MDGA2: variants seen among roughly 807,000 people sequenced by gnomAD.
The protein encoded by MDGA2 is MAM domain-containing glycosylphosphatidylinositol anchor protein 2.
A neutral mutation model predicts 117.8 loss-of-function variants in MDGA2; 40 were observed. The observed-to-expected ratio is 0.34, with a 90% CI of 0.26 to 0.44. The LOEUF (loss-of-function observed/expected upper bound fraction) is 0.44, where lower values mean the gene tolerates loss of function less well. MDGA2 is among the 20% of genes least tolerant of loss of function. The pLI is 1.00. For synonymous variants in MDGA2, 452 were observed against 439.0 expected, an observed-to-expected ratio of 1.03 and a Z score of -0.37; for missense variants, 1,123 against 1,250.6, an observed-to-expected ratio of 0.90 and a Z score of 1.54.
intron 3 of MDGA2, among the ~76,000 whole-genome samples, chr14:47,186,379 GAGT>G (rs564181504): frequency 1.2e-4 from 18 of 151,720 alleles, no homozygotes; most frequent in African/African-American, 4.1e-4. Context: ...CTTGAAAAAA[GAGT>G]AGAAGGGCTT....
In MDGA2 at chr14:47,179,759, T is replaced by C. The variant is rs181480773; in HGVS notation, c.596-35485A>G. On this transcript the variant is annotated intron_variant, in intron 3 of 16. Transcript: ENST00000399232. ...AATTATCAAATTGAAATATTTCAAA[T>C]TCAAATATTTCTTCTCACCAAAATA... is the stretch of plus-strand genomic sequence containing the variant. 3.3e-3 allele frequency among the ~76,000 whole-genome samples: 502 copies of C among 152,238 alleles called. 3 individuals carry two copies. Among genetic ancestry groups the C allele is most frequent in the African/African-American group, 0.011 (461 of 41,572 alleles).
At chr14:47,330,466 T>C (rs887578222) in intron 1 of MDGA2, among the ~76,000 whole-genome samples, 3 of 151,872 alleles carry the variant, frequency 2.0e-5, no homozygotes, top group Non-Finnish European at 4.4e-5. Context: ...AATGCACCAT[T>C]AGAGGAAATA....
chr14:46,974,730 G>A (rs973074599), intron 8 of MDGA2, among the ~76,000 whole-genome samples: 4 of 152,012 alleles, frequency 2.6e-5, no homozygotes, highest in African/African-American at 9.7e-5. Context: ...ATGGGTCAAA[G>A]GCCTAAATGT....
intron 1 of MDGA2, among the ~76,000 whole-genome samples, chr14:47,466,446 A>C (rs970935408): frequency 3.3e-5 from 5 of 152,174 alleles, no homozygotes; most frequent in Non-Finnish European, 7.3e-5. Context: ...GATAAAATAG[A>C]GATAAGCAGA....
At chr14:47,116,168 C>A (rs1881319162) in intron 5 of MDGA2, among the ~76,000 whole-genome samples, 1 of 151,846 alleles carries the variant, frequency 6.6e-6, no homozygotes, top group African/African-American at 2.4e-5. Context: ...TTTACAATAA[C>A]ACCAAAAAAA....
rs146180767 is a variant in MDGA2 at position 47,308,251 on chromosome 14, T to G, written c.281-6701A>C. On this transcript the variant is annotated intron_variant, in intron 1 of 16. Transcript: ENST00000399232. ...CAAATAGTAAAACCGCTATTTAGGCTTACTCATATGTAAAAAGGAGTGATA... is the reference window on the plus strand; with the variant it reads ...CAAATAGTAAAACCGCTATTTAGGCGTACTCATATGTAAAAAGGAGTGATA... Among the ~76,000 whole-genome samples the G allele has an allele frequency of 3.5e-3, 538 of 152,264 alleles. 3 individuals carry two copies. Among genetic ancestry groups the G allele is most frequent in the African/African-American group, 0.012 (506 of 41,566 alleles).
intron 10 of MDGA2, among the ~76,000 whole-genome samples, chr14:46,886,744 T>C (rs1251627174): frequency 1.3e-5 from 2 of 152,084 alleles, no homozygotes; most frequent in South Asian, 2.1e-4. Flanking sequence ...CTTAAAACTC[T>C]TTCCCCCTTG....
intron 2 of MDGA2, among the ~76,000 whole-genome samples, chr14:47,267,633 T>C (rs1183916775): frequency 6.6e-6 from 1 of 152,200 alleles, no homozygotes; most frequent in East Asian, 1.9e-4. Flanking sequence ...ATCTGTTTTA[T>C]AGGTTACTTC....
chr14:47,088,482 G>T (rs1890990926), intron 6 of MDGA2, among the ~76,000 whole-genome samples: 1 of 152,126 alleles, frequency 6.6e-6, no homozygotes, highest in Non-Finnish European at 1.5e-5. Context: ...AATAATGAAA[G>T]ATTATGTAAC....
intron 1 of MDGA2, among the ~76,000 whole-genome samples, chr14:47,352,877 T>C (rs1276108164): frequency 6.6e-6 from 1 of 152,206 alleles, no homozygotes; most frequent in Non-Finnish European, 1.5e-5. Context: ...ACCTCGGTTC[T>C]TTTCTTTTTG....
intron 3 of MDGA2, among the ~76,000 whole-genome samples, chr14:47,170,566 C>T (rs1884080921): frequency 6.6e-6 from 1 of 152,084 alleles, no homozygotes; most frequent in Non-Finnish European, 1.5e-5. Context: ...GTCTATTGAA[C>T]CTCAAAGCTC....
intron 8 of MDGA2, among the ~76,000 whole-genome samples, chr14:46,974,551 G>A (rs1177566702): frequency 6.6e-6 from 1 of 151,988 alleles, no homozygotes; most frequent in African/African-American, 2.4e-5. Flanking sequence ...CAAACAGAAT[G>A]GAGAACCCAG....
chr14:47,215,273 A>T (rs1341287170), intron 3 of MDGA2, among the ~76,000 whole-genome samples: 1 of 152,134 alleles, frequency 6.6e-6, no homozygotes, highest in African/African-American at 2.4e-5. Context: ...GTTTATATAA[A>T]TGAATATCTA....
At chr14:47,219,386 G>A (rs1379363633) in intron 2 of MDGA2, among the ~76,000 whole-genome samples, 1 of 151,904 alleles carries the variant, frequency 6.6e-6, no homozygotes, top group African/African-American at 2.4e-5. Context: ...TTAAAAATCT[G>A]TAAATCACAA....
At chr14:47,137,353 T>G (rs1405368055) in intron 4 of MDGA2, among the ~76,000 whole-genome samples, 1 of 152,150 alleles carries the variant, frequency 6.6e-6, no homozygotes, top group Non-Finnish European at 1.5e-5. Context: ...TGTTGAAATT[T>G]AATCCCAATG....
At chr14:47,214,000 A>G (rs1410773765) in intron 3 of MDGA2, among the ~76,000 whole-genome samples, 5 of 152,120 alleles carry the variant, frequency 3.3e-5, no homozygotes, top group African/African-American at 7.2e-5. Context: ...CACAAGGAAA[A>G]GTACCGAGCG....
chr14:47,430,794 C>A (rs1892783049), intron 1 of MDGA2, among the ~76,000 whole-genome samples: 1 of 152,018 alleles, frequency 6.6e-6, no homozygotes, highest in South Asian at 2.1e-4. Context: ...CACAAAATGA[C>A]CAAGTATAAG....
chr14:47,228,390 T>C (rs1886579289), intron 2 of MDGA2, among the ~76,000 whole-genome samples: 1 of 149,164 alleles, frequency 6.7e-6, no homozygotes, highest in South Asian at 2.1e-4. Context: ...GATTTTTGAC[T>C]TTATGATGGT....
At chr14:47,243,108 A>C (rs1215917494) in intron 2 of MDGA2, among the ~76,000 whole-genome samples, 1 of 148,682 alleles carries the variant, frequency 6.7e-6, no homozygotes. Context: ...ATCTAGCTCA[A>C]GGTTTGTAAA....
Sources: allele counts gnomAD v4.1 joint callset (sites outside exome capture counted in the v4.1 genomes callset), GRCh38; gene constraint gnomAD v4.1.1; transcripts MANE v1.5; gene names NCBI Gene and HGNC (gene_info 2026-07-23, HGNC 2026-07-21).